Variants in KLF12 observed in about 807,000 individuals in gnomAD.
KLF12 encodes KLF transcription factor 12.
Under a neutral mutation model 37.8 loss-of-function variants are expected in KLF12, and 9 were observed. The ratio of observed to expected loss-of-function variants is 0.24; its 90% CI spans 0.14 to 0.42. The LOEUF is 0.42. Among genes scored for constraint, KLF12 ranks in the 10% least tolerant of loss-of-function variants. The pLI is 1.00. For missense variants in KLF12, 411 were observed against 516.0 expected, an observed-to-expected ratio of 0.80 and a Z score of 1.97; for synonymous variants, 208 against 202.1, an observed-to-expected ratio of 1.03 and a Z score of -0.25.
At chr13:74,129,904 G>A (rs1566227082) in intron 1 of KLF12, among the ~76,000 whole-genome samples, 1 of 152,206 alleles carries the variant, frequency 6.6e-6, no homozygotes, top group Non-Finnish European at 1.5e-5. Flanking sequence ...CACAGCATGT[G>A]TTCTCTACCA....
At chr13:74,226,627 T>A in the KLF12 span, among the ~76,000 whole-genome samples, 1 of 152,318 alleles carries the variant, frequency 6.6e-6, no homozygotes, top group East Asian at 1.9e-4. Flanking sequence ...TAGTTTATCT[T>A]CTATCTGCCT....
the KLF12 span, among the ~76,000 whole-genome samples, chr13:74,144,809 A>C: frequency 0.016 from 2,422 of 152,230 alleles, 39 homozygotes; most frequent in Middle Eastern, 0.034. Context: ...CAACTCAACA[A>C]ATCCTCATCA....
intron 1 of KLF12, among the ~76,000 whole-genome samples, chr13:74,085,121 C>A (rs1286360968): frequency 6.6e-6 from 1 of 152,044 alleles, no homozygotes; most frequent in Non-Finnish European, 1.5e-5. Flanking sequence ...ACACAAACAT[C>A]CAAGAACACA....
chr13:73,695,711 C>T (rs1328003807), intron 7 of KLF12, 40 bp from the exon 8 acceptor site: 1 of 1,584,060 alleles, frequency 6.3e-7, no homozygotes, highest in Non-Finnish European at 8.7e-7. Flanking sequence ...GTGCTCCATC[C>T]ATCACTTTGC....
chr13:73,982,632 C>T (rs1481214849), intron 2 of KLF12, among the ~76,000 whole-genome samples: 3 of 151,948 alleles, frequency 2.0e-5, no homozygotes, highest in African/African-American at 7.3e-5. Flanking sequence ...ATCATAAATA[C>T]ACTTGGTATA....
intron 1 of KLF12, among the ~76,000 whole-genome samples, chr13:74,026,002 G>T (rs905039072): frequency 6.6e-6 from 1 of 151,924 alleles, no homozygotes; most frequent in Non-Finnish European, 1.5e-5. Flanking sequence ...TTGAGTTTTG[G>T]GTACCCTAAC....
At chr13:73,933,852 A>G (rs369057384) in intron 3 of KLF12, among the ~76,000 whole-genome samples, 1 of 151,434 alleles carries the variant, frequency 6.6e-6, no homozygotes, top group African/African-American at 2.4e-5. Context: ...TGTGGTAAAG[A>G]ACATATAACA....
At chr13:73,959,120 C>T (rs888461779) in intron 2 of KLF12, among the ~76,000 whole-genome samples, 2 of 12,272 alleles carry the variant, frequency 1.6e-4, no homozygotes, top group Non-Finnish European at 7.5e-4. Flanking sequence ...CCACACCCCC[C>T]TTCCAAAAAA....
chr13:74,044,371 C>T (rs569511685), intron 1 of KLF12, among the ~76,000 whole-genome samples: 7 of 152,078 alleles, frequency 4.6e-5, no homozygotes, highest in East Asian at 3.9e-4. Context: ...ATAAGAGGAA[C>T]GAGGGCTCTG....
intron 3 of KLF12, among the ~76,000 whole-genome samples, chr13:73,856,953 CT>C (rs1268724940): frequency 1.3e-5 from 2 of 152,100 alleles, no homozygotes; most frequent in Non-Finnish European, 2.9e-5. Flanking sequence ...CGCCATCACA[CT>C]CCCAACATGG....
chr13:73,904,034 T>C (rs550139503), intron 3 of KLF12, among the ~76,000 whole-genome samples: 24 of 152,284 alleles, frequency 1.6e-4, no homozygotes, highest in African/African-American at 5.8e-4. Flanking sequence ...GAGGCAGCAG[T>C]TGGCATCAAG....
rs73529153 is a variant in KLF12 at position 74,012,295 on chromosome 13, T to C, written c.-31-17242A>G. Among the ~76,000 whole-genome samples, 831 of 152,302 alleles carry C rather than the reference T, an allele frequency of 5.5e-3. 13 individuals are homozygous for C. The highest frequency in any genetic ancestry group is 0.019 in the African/African-American group (793 of 41,560). On this transcript the variant is annotated intron_variant, in intron 1 of 7. Transcript: ENST00000377669. ...GTGTCTTCCAAAGCACAGTCATTCG[T>C]GCACAGCCATGTCTGAATGGAAGTG...
At chr13:74,086,964 T>C (rs536189092) in intron 1 of KLF12, among the ~76,000 whole-genome samples, 43 of 152,030 alleles carry the variant, frequency 2.8e-4, no homozygotes, top group African/African-American at 9.4e-4. Context: ...TCAAGCTGAG[T>C]AGGGTGAGGA....
intron 2 of KLF12, among the ~76,000 whole-genome samples, chr13:73,963,573 A>T (rs1891087974): frequency 6.6e-6 from 1 of 152,244 alleles, no homozygotes; most frequent in Non-Finnish European, 1.5e-5. Context: ...TTTTTGGAAC[A>T]TCTGTTTATA....
the KLF12 span, among the ~76,000 whole-genome samples, chr13:74,177,699 G>C: frequency 2.0e-5 from 3 of 152,160 alleles, no homozygotes; most frequent in Non-Finnish European, 4.4e-5. Flanking sequence ...GCCTTTGTAC[G>C]AGTTCAGGTG....
chr13:73,723,177 C>T (rs1264007870), intron 6 of KLF12, among the ~76,000 whole-genome samples: 1 of 152,104 alleles, frequency 6.6e-6, no homozygotes, highest in Non-Finnish European at 1.5e-5. Context: ...TGAAATTAGA[C>T]TACAAGTTGA....
intron 3 of KLF12, among the ~76,000 whole-genome samples, chr13:73,913,385 G>A (rs886986497): frequency 2.0e-5 from 3 of 152,204 alleles, no homozygotes; most frequent in Non-Finnish European, 4.4e-5. Context: ...CTACAGGAAC[G>A]AGGGCTAGTC....
intron 1 of KLF12, among the ~76,000 whole-genome samples, chr13:74,062,561 C>A (rs1321530161): frequency 6.6e-6 from 1 of 152,122 alleles, no homozygotes; most frequent in African/African-American, 2.4e-5. Flanking sequence ...AGTGATAGAA[C>A]TTGTTCTTAA....
Position 73,805,606 on chromosome 13 carries a change from AAGGAAGGGAGGGAGGGAGGG to A in KLF12, c.806+7526_806+7545del, listed in dbSNP as rs772438570. Reference sequence around the variant, plus strand: ...ACCTGGGCAACAGAGGCACTGTCAGAAGGAAGGGAGGGAGGGAGGGAGGGAGGGAGGGAGGGAGGGAGGGA... The same window carrying A: ...ACCTGGGCAACAGAGGCACTGTCAGAAGGGAGGGAGGGAGGGAGGGAGGGA... On this transcript the variant is annotated intron_variant, in intron 5 of 7. Transcript: ENST00000377669. Among the ~76,000 whole-genome samples, 219 of 50,082 alleles carry A rather than the reference AAGGAAGGGAGGGAGGGAGGG, an allele frequency of 4.4e-3. 4 individuals are homozygous for A. Among genetic ancestry groups the A allele is most frequent in the East Asian group, 0.022 (18 of 818 alleles). The allele number at this position is 50,082 out of a possible 152,430, so 32.9% of individuals were successfully genotyped here.
Sources: gnomAD v4.1 joint callset for allele counts (sites outside exome capture counted in the v4.1 genomes callset) on GRCh38, gnomAD v4.1.1 for gene constraint, MANE v1.5 for transcripts, NCBI Gene and HGNC (gene_info 2026-07-23, HGNC 2026-07-21) for gene names.